Variants in ZNF454 observed in about 807,000 individuals in gnomAD.
The protein encoded by ZNF454 is zinc finger protein 454.
Under a neutral mutation model 48.2 loss-of-function variants are expected in ZNF454, and 30 were observed. The ratio of observed to expected loss-of-function variants is 0.62; its 90% CI spans 0.47 to 0.84. The LOEUF (loss-of-function observed/expected upper bound fraction) is 0.84, where lower values mean the gene tolerates loss of function less well. Ranked by LOEUF, ZNF454 falls within the 40% of genes least tolerant of loss-of-function variation. The pLI is 0.00. For missense variants in ZNF454, 510 were observed against 623.1 expected (o/e 0.82, Z 1.93); for synonymous variants, 204 against 211.4 (o/e 0.97, Z 0.30).
In ZNF454 at chr5:178,942,636, C is replaced by G. The variant is rs974530953; in HGVS notation, c.-107-49C>G. 13 of 705,008 alleles carry G rather than the reference C, an allele frequency of 1.8e-5. No individual in the cohort carries two copies. In the East Asian group the frequency reaches 2.8e-4, roughly 15 times the overall value. The allele number at this position is 705,008 out of a possible 1,614,324, so 43.7% of individuals were successfully genotyped here. A position where few individuals can be genotyped will look rare whatever the true frequency, so the allele number is the denominator to read the frequency against. ...CCCAGGATGTGAATGCTCACTGCCT[C>G]GCTCTGGACTGCTGTATGAGAGCTT... On this transcript the variant is annotated intron_variant, in intron 1 of 4. Coordinates refer to ENST00000519564, the MANE Select transcript of ZNF454 (RefSeq NM_001178089.3).
downstream of ZNF454, among the ~76,000 whole-genome samples, chr5:178,971,187 T>C (rs962808830): frequency 4.6e-5 from 7 of 152,198 alleles, no homozygotes; most frequent in African/African-American, 1.7e-4. Flanking sequence ...GTACTCAATA[T>C]TCCTAGAGAC....
Position 178,942,783 on chromosome 5 carries a change from G to A in ZNF454, c.-9G>A, listed in dbSNP as rs1759161449. On this transcript the variant is annotated 5_prime_UTR_variant, in exon 2 of 5. Coordinates refer to ENST00000519564, the MANE Select transcript of ZNF454 (RefSeq NM_001178089.3). ...CCTGTCCCTAAGAGGGCTCATCGGA[G>A]AAGAAAGAATGGCTGTCAGCCACCT... 1 of 1,613,952 alleles carries A rather than the reference G, an allele frequency of 6.2e-7. No homozygotes were observed. Among genetic ancestry groups the A allele is most frequent in the African/African-American group, 1.3e-5 (1 of 74,926 alleles).
At position 178,947,006 on chromosome 5, in the gene ZNF454, G is replaced by A. The variant is rs1358637463; in HGVS notation, c.250+20G>A. 3 of 1,605,462 alleles carry A rather than the reference G, an allele frequency of 1.9e-6. No individual in the cohort carries two copies. Among genetic ancestry groups the A allele is most frequent in the Middle Eastern group, 1.7e-4 (1 of 6,002 alleles). On this transcript the variant is annotated intron_variant, in intron 4 of 4. Coordinates refer to ENST00000519564, the MANE Select transcript of ZNF454 (RefSeq NM_001178089.3). The stretch of plus-strand genomic sequence containing the variant: ...GTCTTGGTAAGAATCATGTGTGTGG[G>A]AGACACCGGGAGGAGCCCTGCTGGG...
At chr5:178,985,165 C>T in the ZNF454 span, 3 of 422,066 alleles carry the variant, frequency 7.1e-6, no homozygotes, top group South Asian at 5.2e-5. Flanking sequence ...GCAGCAGAGA[C>T]TCCCTTGTGG....
chr5:178,987,038 C>G, the ZNF454 span: 1 of 1,572,944 alleles, frequency 6.4e-7, no homozygotes, highest in Non-Finnish European at 8.7e-7. Flanking sequence ...GAGCTGGCCT[C>G]CTGGGGAGGC....
downstream of ZNF454, among the ~76,000 whole-genome samples, chr5:178,970,855 T>C (rs1419326615): frequency 1.3e-5 from 2 of 152,232 alleles, no homozygotes; most frequent in Admixed American, 6.5e-5. Context: ...CACTAATGCA[T>C]GGCCAAAAGC....
chr5:178,951,671 G>A (rs187347295), intron 4 of ZNF454, among the ~76,000 whole-genome samples: 2 of 152,108 alleles, frequency 1.3e-5, no homozygotes, highest in African/African-American at 2.4e-5. Flanking sequence ...CCAGTCTCCT[G>A]CTGCTGGCTG....
rs1759346284 is a variant in ZNF454 at position 178,946,527 on chromosome 5, T to A, written c.160+42T>A. ...CAAGGTTTCTCTTCACTTTTGGGGA[T>A]CTCTTTGGGACCCTTACATTGACAC... On this transcript the variant is annotated intron_variant, in intron 3 of 4. Coordinates refer to ENST00000519564, the MANE Select transcript of ZNF454 (RefSeq NM_001178089.3). The surrounding 1 kb of genome is among the most constrained non-coding windows in gnomAD (Gnocchi z 4.5). 3 of 1,567,548 alleles carry A rather than the reference T, an allele frequency of 1.9e-6. No homozygotes were observed. The Admixed American group carries it at 6.3e-5, about 33-fold the overall frequency.
the ZNF454 span, chr5:178,986,286 G>C: frequency 6.2e-7 from 1 of 1,614,098 alleles, no homozygotes; most frequent in Non-Finnish European, 8.5e-7. Flanking sequence ...CCAGGCCCAG[G>C]AAGAGCCTGC....
the ZNF454 span, chr5:178,981,931 A>T: frequency 1.1e-6 from 1 of 917,946 alleles, no homozygotes; most frequent in Non-Finnish European, 1.8e-6. The surrounding 1 kb of genome is among the most constrained non-coding windows in gnomAD (Gnocchi z 5.1). Context: ...CTCACCACAT[A>T]CTCTGGAGCT....
chr5:178,960,717 T>C (rs1287189399), intron 4 of ZNF454, among the ~76,000 whole-genome samples: 1 of 151,872 alleles, frequency 6.6e-6, no homozygotes, highest in Admixed American at 6.6e-5. Flanking sequence ...ATTTGTTGTA[T>C]GTTCCTGGAG....
intron 4 of ZNF454, among the ~76,000 whole-genome samples, chr5:178,959,693 C>T (rs1225491264): frequency 1.3e-5 from 2 of 150,618 alleles, no homozygotes; most frequent in Non-Finnish European, 3.0e-5. Flanking sequence ...GCAAGCTCCA[C>T]CTCCTGGGTT....
intron 4 of ZNF454, among the ~76,000 whole-genome samples, chr5:178,957,892 T>G (rs1005768428): frequency 2.0e-5 from 3 of 152,156 alleles, no homozygotes; most frequent in Admixed American, 2.0e-4. Context: ...TCATGTAATA[T>G]AAAATATTTA....
chr5:178,976,616 G>T, the ZNF454 span, among the ~76,000 whole-genome samples: 1 of 152,192 alleles, frequency 6.6e-6, no homozygotes, highest in African/African-American at 2.4e-5. Context: ...GGGCACCTCT[G>T]CAGGGTGCAT....
chr5:178,985,404 T>TAAA, the ZNF454 span: 285 of 316,678 alleles, frequency 9.0e-4, no homozygotes, highest in African/African-American at 2.0e-3. Context: ...CCTGTGGCCT[T>TAAA]AAAAAAAAAA....
At chr5:178,985,639 C>T in the ZNF454 span, 113 of 375,004 alleles carry the variant, frequency 3.0e-4, 1 homozygote, top group South Asian at 2.2e-3. Flanking sequence ...GAAGGCAGAG[C>T]TTGCAGGGAG....
At chr5:178,985,510 TG>T in the ZNF454 span, 91 of 337,134 alleles carry the variant, frequency 2.7e-4, 4 homozygotes, top group Middle Eastern at 0.01. Flanking sequence ...GAGACCATCC[TG>T]GCTAACACGG....
intron 4 of ZNF454, among the ~76,000 whole-genome samples, chr5:178,950,928 C>T (rs1233590507): frequency 2.0e-5 from 3 of 150,408 alleles, no homozygotes; most frequent in Admixed American, 2.0e-4. Flanking sequence ...GGCGTGATCT[C>T]GGCTCACTAC....
chr5:178,985,293 C>T, the ZNF454 span: 9 of 455,896 alleles, frequency 2.0e-5, no homozygotes, highest in African/African-American at 6.0e-5. Context: ...CTCTGGAGGC[C>T]CACACTCCCC....
Sources: allele counts gnomAD v4.1 joint callset (sites outside exome capture counted in the v4.1 genomes callset), GRCh38; gene constraint gnomAD v4.1.1; non-coding constraint Gnocchi (gnomAD v3.1); transcripts MANE v1.5; gene names NCBI Gene and HGNC (gene_info 2026-07-23, HGNC 2026-07-21).